Variants in ZNF251 observed in about 807,000 individuals in gnomAD.
ZNF251 encodes zinc finger protein 251.
In ZNF251, 14 loss-of-function variants were observed where a neutral mutation model predicts 13.5. That is an observed-to-expected ratio of 1.04 (90% CI 0.69 to 1.63). ZNF251 has a LOEUF of 1.63. Among genes scored for constraint, ZNF251 ranks in the 40% most tolerant of loss-of-function variants. The pLI is 0.00. For missense variants in ZNF251, 764 were observed against 834.9 expected (o/e 0.92, Z 1.05); for synonymous variants, 287 against 295.2 (o/e 0.97, Z 0.28).
chr8:144,746,962 T>C (rs150825783), intron 4 of ZNF251, among the ~76,000 whole-genome samples: 441 of 152,320 alleles, frequency 2.9e-3, no homozygotes, highest in African/African-American at 9.5e-3. Flanking sequence ...TTCCATTTCA[T>C]TGATTTCTGC....
rs1823370526 is a variant in ZNF251 at position 144,721,469 on chromosome 8, C to G, written c.*175G>C. ...AACCTTTACACAGACAGCCTGATTT[C>G]CCAGAATGAATTCTCGTGTTTACTT... On this transcript the variant is annotated 3_prime_UTR_variant, in exon 5 of 5. Coordinates refer to ENST00000292562, the MANE Select transcript of ZNF251 (RefSeq NM_138367.2). 6 of 638,418 alleles carry G rather than the reference C, an allele frequency of 9.4e-6. 1 individual carries two copies. The East Asian group carries it at 2.1e-4, about 22-fold the overall frequency. 39.5% of individuals were successfully genotyped at this position (638,418 alleles called of 1,614,324 possible).
chr8:144,722,219 G>A lies in ZNF251; in HGVS notation c.1441C>T (p.Arg481Ter), dbSNP rs754338749. Residue 481 changes from arginine (R) to a stop codon, truncating the protein, a stop_gained, in exon 5 of 5, where the codon CGA (arginine) becomes TGA (stop). Transcript: ENST00000292562. LOFTEE classifies it low-confidence loss of function (END_TRUNC). The surrounding 1 kb of genome is among the most constrained non-coding windows in gnomAD (Gnocchi z 4.8). ...SQSSQLTLHQRVHTGEKPYDC... is the reference protein window; with the variant it reads ...SQSSQLTLHQ ...TAGGGCTTCTCTCCAGTGTGAACTC[G>A]CTGATGTAGGGTGAGCTGGGAGCTC... 10 of 1,586,132 alleles carry A rather than the reference G, an allele frequency of 6.3e-6. No homozygotes were observed. In the South Asian group the frequency reaches 8.0e-5, roughly 13 times the overall value.
In ZNF251 at chr8:144,754,767, A is replaced by G. The variant is rs755148467; in HGVS notation, c.-39T>C. Reference sequence around the variant, plus strand: ...GCTGCTGTGGTTTCCAAGAGAAGACAGGAGACTGCCCTGGCCTGAAGTCTC... The same window carrying G: ...GCTGCTGTGGTTTCCAAGAGAAGACGGGAGACTGCCCTGGCCTGAAGTCTC... On this transcript the variant is annotated 5_prime_UTR_variant, in exon 2 of 5. Coordinates refer to ENST00000292562, the MANE Select transcript of ZNF251 (RefSeq NM_138367.2). 4 of 1,607,904 alleles carry G rather than the reference A, an allele frequency of 2.5e-6. No individual in the cohort carries two copies. In the Admixed American group the frequency reaches 6.8e-5, roughly 27 times the overall value.
At chr8:144,730,717 G>A (rs1005915400) in intron 4 of ZNF251, among the ~76,000 whole-genome samples, 4 of 152,236 alleles carry the variant, frequency 2.6e-5, no homozygotes, top group African/African-American at 9.6e-5. Context: ...CAGACATGGC[G>A]GTAGGGCAGG....
Position 144,722,308 on chromosome 8 carries a change from T to C in ZNF251, c.1352A>G (p.His451Arg), listed in dbSNP as rs1472570606. The C allele has an allele frequency of 1.2e-6, 2 of 1,613,876 alleles. No individual in the cohort carries two copies. Among genetic ancestry groups the C allele is most frequent in the East Asian group, 2.2e-5 (1 of 44,894 alleles). The change falls in exon 5 of 5, where the codon CAT becomes CGT. Residue 451 changes from histidine to arginine, a missense_variant. Coordinates refer to ENST00000292562, the MANE Select transcript of ZNF251 (RefSeq NM_138367.2). This position sits in a 1 kb window ranked among gnomAD's most constrained non-coding sequence, Gnocchi z 4.8. ...AFRRSSTLVQHRRVHTGEKPY... is the reference protein window; with the variant it reads ...AFRRSSTLVQRRRVHTGEKPY... ...CTTCTCCCCAGTGTGAACTCTTCGA[T>C]GCTGAACAAGAGTGGAACTCCGACG...
chr8:144,753,846 C>A, intron 3 of ZNF251, 50 bp from the exon 4 acceptor site: 1 of 1,425,600 alleles, frequency 7.0e-7, no homozygotes, highest in Non-Finnish European at 9.6e-7. Context: ...CTGGGCCTTC[C>A]AGGCCAGGTG....
intron 4 of ZNF251, among the ~76,000 whole-genome samples, chr8:144,732,832 A>T (rs967267644): frequency 1.4e-5 from 2 of 138,212 alleles, no homozygotes; most frequent in East Asian, 4.5e-4. Context: ...AAAAAAAAAT[A>T]CATTGGACAG....
chr8:144,754,245 C>CGCTGCTGGGGGCCCA lies in ZNF251; in HGVS notation c.95_109dup (p.Leu32_Gln36dup), dbSNP rs1563773984. On this transcript the variant is annotated inframe_insertion, in exon 3 of 5. Coordinates refer to ENST00000292562, the MANE Select transcript of ZNF251 (RefSeq NM_138367.2). The stretch of plus-strand genomic sequence containing the variant: ...CAGCATCACATCCCGGTAGAGCGCC[C>CGCTGCTGGGGGCCCA]GCTGCTGGGGGCCCAGCTGCCGCCC... The CGCTGCTGGGGGCCCA allele has an allele frequency of 6.2e-7, 1 of 1,613,996 alleles. No homozygotes were observed. Among genetic ancestry groups the CGCTGCTGGGGGCCCA allele is most frequent in the East Asian group, 2.2e-5 (1 of 44,870 alleles).
intron 4 of ZNF251, among the ~76,000 whole-genome samples, chr8:144,739,294 C>G (rs1191254037): frequency 7.0e-6 from 1 of 142,634 alleles, no homozygotes; most frequent in African/African-American, 2.6e-5. Flanking sequence ...GATCACAAAT[C>G]ACGACTCCAC....
At chr8:144,751,452 A>G (rs1470278013) in intron 4 of ZNF251, among the ~76,000 whole-genome samples, 1 of 152,224 alleles carries the variant, frequency 6.6e-6, no homozygotes, top group Non-Finnish European at 1.5e-5. Flanking sequence ...AGGGATGGTT[A>G]CAAGATTTCT....
rs368742781 is a variant in ZNF251, at chr8:144,722,676, T to A, written c.984A>T (p.Arg328Ser). The change falls in exon 5 of 5, where the codon AGA becomes AGT. Residue 328 changes from arginine to serine, a missense_variant. Coordinates refer to ENST00000292562, the MANE Select transcript of ZNF251 (RefSeq NM_138367.2). The surrounding 1 kb of genome is among the most constrained non-coding windows in gnomAD (Gnocchi z 4.8). Reference protein sequence around the residue: ...EKPYKCNECGRGFSQSPQLTQ... With the variant: ...EKPYKCNECGSGFSQSPQLTQ... ...TTAACTGGGGGCTCTGGCTAAAGCC[T>A]CTTCCACATTCATTACACTTGTAGG... 1.1e-4 allele frequency: 185 copies of A among 1,614,054 alleles called. 2 individuals are homozygous for A. The highest frequency in any genetic ancestry group is 3.1e-5 in the Non-Finnish European group (36 of 1,179,994).
chr8:144,745,088 G>A (rs544326710), intron 4 of ZNF251, among the ~76,000 whole-genome samples: 3 of 152,228 alleles, frequency 2.0e-5, no homozygotes, highest in Admixed American at 6.5e-5. Context: ...GGGAAGGGGA[G>A]CGGAGGAAAG....
intron 4 of ZNF251, among the ~76,000 whole-genome samples, chr8:144,725,798 A>T (rs1431944621): frequency 3.9e-5 from 6 of 152,226 alleles, no homozygotes; most frequent in Non-Finnish European, 8.8e-5. Context: ...GGCTGATCTC[A>T]TTCACAATGA....
At chr8:144,739,742 T>G (rs913742019) in intron 4 of ZNF251, among the ~76,000 whole-genome samples, 1 of 151,754 alleles carries the variant, frequency 6.6e-6, no homozygotes, top group African/African-American at 2.4e-5. Flanking sequence ...CTACCAAAAA[T>G]ACAAAAATTA....
At chr8:144,745,454 T>C (rs1824378703) in intron 4 of ZNF251, among the ~76,000 whole-genome samples, 1 of 152,166 alleles carries the variant, frequency 6.6e-6, no homozygotes, top group African/African-American at 2.4e-5. Flanking sequence ...ACCTTGCTCT[T>C]CTCTTTCAAT....
intron 4 of ZNF251, among the ~76,000 whole-genome samples, chr8:144,751,266 G>A (rs1215432361): frequency 1.3e-5 from 2 of 152,216 alleles, no homozygotes; most frequent in African/African-American, 4.8e-5. Context: ...ACACAGTGAT[G>A]ACTTCTAAAG....
intron 4 of ZNF251, among the ~76,000 whole-genome samples, chr8:144,751,831 G>A (rs1824707212): frequency 6.6e-6 from 1 of 152,134 alleles, no homozygotes; most frequent in South Asian, 2.1e-4. Flanking sequence ...CACTTTAAGT[G>A]TAAAGACAGG....
intron 4 of ZNF251, among the ~76,000 whole-genome samples, chr8:144,729,346 T>A (rs1348138905): frequency 1.4e-5 from 2 of 147,146 alleles, no homozygotes; most frequent in African/African-American, 5.3e-5. Context: ...TTTTTTTTTT[T>A]TTTTTTGTGA....
chr8:144,737,792 C>G (rs1258334600), intron 4 of ZNF251, among the ~76,000 whole-genome samples: 2 of 141,298 alleles, frequency 1.4e-5, no homozygotes, highest in East Asian at 2.2e-4. Context: ...AGATCGAGAT[C>G]GCACCACTGC....
Sources: allele counts gnomAD v4.1 joint callset (sites outside exome capture counted in the v4.1 genomes callset), GRCh38; gene constraint gnomAD v4.1.1; non-coding constraint Gnocchi (gnomAD v3.1); transcripts MANE v1.5; gene names NCBI Gene and HGNC (gene_info 2026-07-23, HGNC 2026-07-21).